The following COL10A1 variants were observed in gnomAD, a reference collection of about 807,000 sequenced individuals.
COL10A1 encodes collagen type X alpha 1 chain.
A neutral mutation model predicts 18.2 loss-of-function variants in COL10A1; 10 were observed. The ratio of observed to expected loss-of-function variants is 0.55; its 90% confidence interval spans 0.34 to 0.93. COL10A1 has a LOEUF of 0.93. COL10A1 is among the 40% of genes least tolerant of loss of function. COL10A1 has a pLI of 0.02. For synonymous variants in COL10A1, 330 were observed against 316.6 expected, an observed-to-expected ratio of 1.04 and a Z score of -0.45; for missense variants, 897 against 853.5, an observed-to-expected ratio of 1.05 and a Z score of -0.64.
Position 116,155,859 on chromosome 6 carries a change from A to T in COL10A1, c.-16+2755T>A, listed in dbSNP as rs776752107. On this transcript the variant is annotated intron_variant, in intron 1 of 1. Coordinates refer to the COL10A1 transcript ENST00000418500. Reference sequence around the variant, plus strand: ...AGCAGATACAGAGCTTATACATTTTATGCTATCTTTTATATAAATGGAAGT... The same window carrying T: ...AGCAGATACAGAGCTTATACATTTTTTGCTATCTTTTATATAAATGGAAGT... Among the ~76,000 whole-genome samples the T allele has an allele frequency of 2.6e-5, 4 of 151,932 alleles. No homozygotes were observed. The East Asian group carries it at 5.8e-4, about 22-fold the overall frequency.
intron 1 of COL10A1, among the ~76,000 whole-genome samples, chr6:116,153,519 T>G (rs902886769): frequency 6.6e-6 from 1 of 152,198 alleles, no homozygotes; most frequent in African/African-American, 2.4e-5. Flanking sequence ...ATAAACATTT[T>G]CTAATTTTTA....
chr6:116,215,065 G>A, the COL10A1 span, among the ~76,000 whole-genome samples: 1 of 152,004 alleles, frequency 6.6e-6, no homozygotes, highest in African/African-American at 2.4e-5. Flanking sequence ...CAGTTATCAA[G>A]GTTTAGTCTG....
chr6:116,151,464 A>G (rs1428271507), intron 1 of COL10A1, among the ~76,000 whole-genome samples: 2 of 152,198 alleles, frequency 1.3e-5, no homozygotes, highest in Non-Finnish European at 2.9e-5. Context: ...GTAAAATTTT[A>G]TCTATCCATT....
upstream of COL10A1, among the ~76,000 whole-genome samples, chr6:116,129,927 C>T (rs1779420502): frequency 1.3e-5 from 2 of 152,164 alleles, no homozygotes; most frequent in Admixed American, 1.3e-4. Flanking sequence ...CATTCACTCA[C>T]ACACAGATAC....
the COL10A1 span, among the ~76,000 whole-genome samples, chr6:116,175,926 T>C: frequency 6.6e-6 from 1 of 152,192 alleles, no homozygotes; most frequent in Non-Finnish European, 1.5e-5. Context: ...GATTAACTTG[T>C]CTTTTAGCGC....
At chr6:116,214,063 GA>G in the COL10A1 span, among the ~76,000 whole-genome samples, 1 of 152,196 alleles carries the variant, frequency 6.6e-6, no homozygotes, top group African/African-American at 2.4e-5. Context: ...TATAGGTGAA[GA>G]AATTAAGAAT....
chr6:116,125,412 C>T lies in COL10A1; in HGVS notation c.81G>A (p.Met27Ile), dbSNP rs769843417. 12 of 1,613,532 alleles carry T rather than the reference C, an allele frequency of 7.4e-6. No individual in the cohort carries two copies. The highest frequency in any genetic ancestry group is 1.6e-4 in the Middle Eastern group (1 of 6,078). Residue 27 changes from methionine (M) to isoleucine (I), a missense_variant, in exon 2 of 3, where the codon ATG (methionine) becomes ATA (isoleucine). Coordinates refer to ENST00000651968, the MANE Select transcript of COL10A1 (RefSeq NM_000493.4). ...HGVFYAERYQ[M>I]PTGIKGPLPN... ...GTAGTGGGCCTTTTATGCCTGTGGG[C>T]ATTTGGTATCGTTCAGCGTAAAACA...
chr6:116,160,097 A>T (rs548263485), upstream of COL10A1, among the ~76,000 whole-genome samples: 1 of 152,246 alleles, frequency 6.6e-6, no homozygotes, highest in African/African-American at 2.4e-5. Flanking sequence ...TATCTTTTTG[A>T]TAAAATGATT....
At chr6:116,151,622 A>G (rs1049148752) in intron 1 of COL10A1, among the ~76,000 whole-genome samples, 4 of 152,220 alleles carry the variant, frequency 2.6e-5, no homozygotes, top group Admixed American at 1.3e-4. Context: ...GTACATGCAA[A>G]TAATGGCAAA....
chr6:116,151,868 T>G (rs1780050146), intron 1 of COL10A1, among the ~76,000 whole-genome samples: 8 of 152,240 alleles, frequency 5.3e-5, no homozygotes, highest in Admixed American at 5.2e-4. Flanking sequence ...TAGTTTTGTC[T>G]CATCAAATAT....
At chr6:116,178,522 T>C in the COL10A1 span, among the ~76,000 whole-genome samples, 1 of 152,194 alleles carries the variant, frequency 6.6e-6, no homozygotes, top group Non-Finnish European at 1.5e-5. Flanking sequence ...CTAACCGACT[T>C]CCAGTCATTT....
intron 1 of COL10A1, among the ~76,000 whole-genome samples, chr6:116,141,861 T>A (rs1413071788): frequency 6.9e-6 from 1 of 143,960 alleles, no homozygotes; most frequent in Non-Finnish European, 1.5e-5. Flanking sequence ...CTTATTTCAG[T>A]AAAAGATTTT....
upstream of COL10A1, among the ~76,000 whole-genome samples, chr6:116,159,232 G>T (rs192190282): frequency 1.3e-5 from 2 of 151,898 alleles, no homozygotes; most frequent in Non-Finnish European, 2.9e-5. Flanking sequence ...TTTTTATTCT[G>T]CATTACTCCT....
chr6:116,137,608 G>T (rs974750958), intron 1 of COL10A1: 19 of 213,686 alleles, frequency 8.9e-5, no homozygotes, highest in Admixed American at 1.2e-4. Context: ...GGATCCCCGT[G>T]CCTCAGTAGT....
intron 1 of COL10A1, among the ~76,000 whole-genome samples, chr6:116,143,503 T>C (rs1299395243): frequency 6.6e-6 from 1 of 152,202 alleles, no homozygotes; most frequent in Non-Finnish European, 1.5e-5. Flanking sequence ...TGAGCCACTG[T>C]GCCCGGCCTT....
At chr6:116,163,541 C>A (rs1244806446), upstream of COL10A1, among the ~76,000 whole-genome samples, 1 of 151,806 alleles carries the variant, frequency 6.6e-6, no homozygotes, top group Non-Finnish European at 1.5e-5. Flanking sequence ...AGTAGTCTAT[C>A]AATTTTTGTT....
chr6:116,200,136 G>C, the COL10A1 span, among the ~76,000 whole-genome samples: 1 of 151,844 alleles, frequency 6.6e-6, no homozygotes, highest in Non-Finnish European at 1.5e-5. Flanking sequence ...TATCTCCATG[G>C]TCTTCCACCC....
the COL10A1 span, among the ~76,000 whole-genome samples, chr6:116,187,628 TA>T: frequency 2.0e-5 from 3 of 152,004 alleles, no homozygotes; most frequent in Non-Finnish European, 2.9e-5. Flanking sequence ...AGGACTGTCA[TA>T]AAGGGTGCCT....
At chr6:116,171,129 G>A in the COL10A1 span, among the ~76,000 whole-genome samples, 2 of 151,846 alleles carry the variant, frequency 1.3e-5, no homozygotes, top group South Asian at 4.2e-4. Context: ...TCCATAGTAG[G>A]TGTTCCATAA....
Sources: gnomAD v4.1 joint callset for allele counts (sites outside exome capture counted in the v4.1 genomes callset) on GRCh38, gnomAD v4.1.1 for gene constraint, MANE v1.5 for transcripts, NCBI Gene and HGNC (gene_info 2026-07-23, HGNC 2026-07-21) for gene names.